CLCN5: variants seen among roughly 807,000 people sequenced by gnomAD.
CLCN5 encodes the protein Cl-/H+ antiporter 5.
In CLCN5, 17 loss-of-function variants were observed where a neutral mutation model predicts 54.0. That is an observed-to-expected ratio of 0.31 (90% CI 0.22 to 0.47). The LOEUF is 0.47. Among genes scored for constraint, CLCN5 ranks in the 20% least tolerant of loss-of-function variants. The pLI is 1.00. For missense variants in CLCN5, 448 were observed against 646.7 expected, an observed-to-expected ratio of 0.69 and a Z score of 3.33; for synonymous variants, 222 against 233.0, an observed-to-expected ratio of 0.95 and a Z score of 0.43.
chrX:50,029,309 G>A (rs1179583046), intron 3 of CLCN5, among the ~76,000 whole-genome samples: 3 of 30,711 alleles, frequency 9.8e-5, no homozygotes, highest in Non-Finnish European at 1.9e-4. Context: ...CCCCTCCCCC[G>A]ACCCCACAAC....
intron 3 of CLCN5, among the ~76,000 whole-genome samples, chrX:49,965,833 G>A (rs191573858): frequency 9.0e-6 from 1 of 110,638 alleles, no homozygotes; most frequent in African/African-American, 3.4e-5. Context: ...ACAAATGTTA[G>A]ATTTTCTCAA....
intron 3 of CLCN5, among the ~76,000 whole-genome samples, chrX:49,966,264 A>G (rs1601988345): frequency 2.7e-5 from 3 of 111,842 alleles, no homozygotes; most frequent in East Asian, 2.8e-4. Flanking sequence ...AGTATATTCA[A>G]GATATCTACT....
chrX:50,062,660 A>C (rs1288834506), intron 4 of CLCN5, among the ~76,000 whole-genome samples: 1 of 97,799 alleles, frequency 1.0e-5, no homozygotes, highest in Admixed American at 1.1e-4. Flanking sequence ...AAGCGGACCT[A>C]ATAGACATCT....
At chrX:50,009,117 C>T (rs1357436095) in intron 3 of CLCN5, 1 of 284,273 alleles carries the variant, frequency 3.5e-6, no homozygotes. Flanking sequence ...CCAGATCCTG[C>T]ACTGGGTGGT....
Position 50,086,810 on chromosome X carries a change from G to T in CLCN5, c.1497G>T (p.Trp499Cys). 1 of 1,211,301 alleles carries T rather than the reference G, an allele frequency of 8.3e-7. No homozygotes were observed. Among genetic ancestry groups the T allele is most frequent in the Non-Finnish European group, 1.1e-6 (1 of 895,327 alleles). ...GCGTGGGAGTCTACAGTGCAATGTG[G>T]CAGCTGGCTTTAACACTCATACTGA... ...PAGVGVYSAM[W>C]QLALTLILKI... The change falls in exon 11 of 15, where the codon TGG becomes TGT. Residue 499 changes from tryptophan (W) to cysteine (C), a missense_variant. Trp to Cys is a radical substitution (Grantham distance 215, BLOSUM62 -2). This residue lies in a region of CLCN5 where 297 missense variants were observed against 470.4 expected (regional missense o/e 0.63). Coordinates refer to ENST00000376091, the MANE Select transcript of CLCN5 (RefSeq NM_001127898.4).
intron 3 of CLCN5, among the ~76,000 whole-genome samples, chrX:50,002,364 C>T (rs1208190234): frequency 9.0e-6 from 1 of 111,583 alleles, no homozygotes; most frequent in Non-Finnish European, 1.9e-5. Flanking sequence ...CTGTGTTCTC[C>T]AACTCAGCAA....
chrX:50,058,312 C>G (rs372263076), intron 4 of CLCN5, among the ~76,000 whole-genome samples: 1 of 111,295 alleles, frequency 9.0e-6, no homozygotes, highest in Non-Finnish European at 1.9e-5. Context: ...TCTTTTTCCT[C>G]TTGTGTTTTT....
At chrX:50,050,713 G>A (rs797030276) in intron 4 of CLCN5, among the ~76,000 whole-genome samples, 1 of 91,769 alleles carries the variant, frequency 1.1e-5, no homozygotes, top group South Asian at 5.8e-4. Context: ...AGGCTGGAGT[G>A]CAGTGGTTCC....
chrX:49,943,737 G>A (rs1926523075), intron 3 of CLCN5, among the ~76,000 whole-genome samples: 1 of 111,361 alleles, frequency 9.0e-6, no homozygotes, highest in Non-Finnish European at 1.9e-5. Context: ...ATTTCTGAGT[G>A]CTCTGTTCTG....
intron 3 of CLCN5, among the ~76,000 whole-genome samples, chrX:50,039,628 G>A (rs1047025747): frequency 8.9e-6 from 1 of 112,008 alleles, no homozygotes; most frequent in African/African-American, 3.2e-5. Context: ...GCATGTGCCC[G>A]AAAGCTCAAG....
chrX:50,055,633 A>G (rs1932720803), intron 4 of CLCN5, among the ~76,000 whole-genome samples: 1 of 111,546 alleles, frequency 9.0e-6, no homozygotes, highest in Non-Finnish European at 1.9e-5. Flanking sequence ...TCTTTTCAAA[A>G]TCACTTACAT....
rs142122851 is a variant in CLCN5, at chrX:50,089,075, A to T, written c.1744+191A>T. Among the ~76,000 whole-genome samples, 560 of 107,879 alleles carry T rather than the reference A, an allele frequency of 5.2e-3. 2 individuals are homozygous for T. The highest frequency in any genetic ancestry group is 6.6e-3 in the Non-Finnish European group (351 of 53,248). 93.7% of individuals were successfully genotyped at this position (107,879 alleles called of 115,157 possible). A position where few individuals can be genotyped will look rare whatever the true frequency, so the allele number is the denominator to read the frequency against. ...ACTAAAAAAAATAAAAATAAAAATC[A>T]TAATAAAAAAGAAAAGGAATTCTAC... On this transcript the variant is annotated intron_variant, in intron 12 of 14. Coordinates refer to ENST00000376091, the MANE Select transcript of CLCN5 (RefSeq NM_001127898.4).
In CLCN5 at chrX:50,037,147, G is replaced by T. The variant is rs782410305; in HGVS notation, c.17-5169G>T. Reference sequence around the variant, plus strand: ...GTTTTTTCCCTTGTCCTGCTATTAAGGTTAAAGTAGCAATAAAAGTGTCTA... The same window carrying T: ...GTTTTTTCCCTTGTCCTGCTATTAATGTTAAAGTAGCAATAAAAGTGTCTA... On this transcript the variant is annotated intron_variant, in intron 3 of 14. Coordinates refer to ENST00000376091, the MANE Select transcript of CLCN5 (RefSeq NM_001127898.4). Among the ~76,000 whole-genome samples the T allele has an allele frequency of 2.7e-5, 3 of 111,937 alleles. No homozygotes were observed. In the East Asian group the frequency reaches 8.4e-4, roughly 31 times the overall value.
intron 3 of CLCN5, among the ~76,000 whole-genome samples, chrX:49,945,733 C>T (rs781792276): frequency 4.3e-4 from 44 of 102,769 alleles, no homozygotes; most frequent in South Asian, 4.2e-3. Context: ...GCATTACAGG[C>T]ATGAGCCACC....
At chrX:49,956,504 C>T (rs781891208) in intron 3 of CLCN5, among the ~76,000 whole-genome samples, 14 of 111,994 alleles carry the variant, frequency 1.3e-4, no homozygotes, top group Non-Finnish European at 2.3e-4. Flanking sequence ...TGTTGTTATT[C>T]CGTTGTCATG....
chrX:49,983,379 C>G (rs1928843062), intron 3 of CLCN5, among the ~76,000 whole-genome samples: 1 of 111,186 alleles, frequency 9.0e-6, no homozygotes, highest in Non-Finnish European at 1.9e-5. Context: ...GTACTTCATA[C>G]TCATTTACTT....
intron 3 of CLCN5, among the ~76,000 whole-genome samples, chrX:50,018,803 C>G (rs1422120232): frequency 8.0e-5 from 9 of 111,832 alleles, no homozygotes; most frequent in Admixed American, 2.8e-4. Context: ...GGGATAAATC[C>G]CACTTGGTCA....
intron 3 of CLCN5, among the ~76,000 whole-genome samples, chrX:49,930,358 A>G (rs1466707131): frequency 1.8e-5 from 2 of 112,224 alleles, no homozygotes; most frequent in Non-Finnish European, 3.8e-5. Context: ...CTTGGAATTT[A>G]TCCTAAGGAA....
intron 12 of CLCN5, among the ~76,000 whole-genome samples, chrX:50,089,674 T>A (rs1407393858): frequency 9.0e-6 from 1 of 111,306 alleles, no homozygotes; most frequent in Non-Finnish European, 1.9e-5. Context: ...TCACTTGAGG[T>A]TAGGAGTTTG....
Sources: gnomAD v4.1 joint callset for allele counts (sites outside exome capture counted in the v4.1 genomes callset) on GRCh38, gnomAD v4.1.1 for gene constraint, gnomAD v4.1.1 regional missense constraint, MANE v1.5 for transcripts, NCBI Gene and HGNC (gene_info 2026-07-23, HGNC 2026-07-21) for gene names.